The following MTAP variants were observed in gnomAD, a reference collection of about 807,000 sequenced individuals.
MTAP encodes the protein methylthioadenosine phosphorylase, also known as S-methyl-5'-thioadenosine phosphorylase.
Under a neutral mutation model 33.6 loss-of-function variants are expected in MTAP, and 33 were observed. That is an observed-to-expected ratio of 0.98 (90% confidence interval 0.74 to 1.31). MTAP has a LOEUF of 1.31. Among genes scored for constraint, MTAP ranks in the 40% most tolerant of loss-of-function variants. The pLI, the probability that MTAP is intolerant of heterozygous loss-of-function variation, is 0.00. For synonymous variants in MTAP, 148 were observed against 125.7 expected (o/e 1.18, Z -1.19); for missense variants, 367 against 360.0 (o/e 1.02, Z -0.16).
chr9:21,820,503 T>G (rs190601021), intron 4 of MTAP, among the ~76,000 whole-genome samples: 2 of 152,306 alleles, frequency 1.3e-5, no homozygotes, highest in East Asian at 3.9e-4. Context: ...TTGGTCTATA[T>G]CTGTTTTGGT....
chr9:21,912,760 A>G (rs1328161173), intron 1 of MTAP, among the ~76,000 whole-genome samples: 1 of 152,208 alleles, frequency 6.6e-6, no homozygotes, highest in Non-Finnish European at 1.5e-5. Context: ...CCTATTCAAC[A>G]TAGTGTTGGA....
At chr9:21,895,268 C>A (rs1818271583) in intron 1 of MTAP, among the ~76,000 whole-genome samples, 1 of 152,198 alleles carries the variant, frequency 6.6e-6, no homozygotes, top group Admixed American at 6.5e-5. Flanking sequence ...CACTACCTGA[C>A]TTCAAAGTAC....
chr9:21,907,695 A>G (rs1310657091), intron 1 of MTAP, among the ~76,000 whole-genome samples: 1 of 152,042 alleles, frequency 6.6e-6, no homozygotes, highest in Non-Finnish European at 1.5e-5. Flanking sequence ...CTACAAAAGT[A>G]ATTCCTGGTG....
At chr9:21,933,469 A>G (rs915565644), downstream of MTAP, 2 of 152,198 alleles carry the variant, frequency 1.3e-5, no homozygotes, top group African/African-American at 4.8e-5. Flanking sequence ...TGCCATTAAG[A>G]TCTACATTTT....
intron 1 of MTAP, chr9:21,930,670 T>TTA: frequency 3.9e-6 from 2 of 511,658 alleles, no homozygotes; most frequent in South Asian, 5.2e-5. Context: ...CCAGAGCAAA[T>TTA]TAACACTTTA....
intron 7 of MTAP, chr9:21,861,265 AGAG>A (rs1175203451): frequency 6.6e-6 from 1 of 152,150 alleles, no homozygotes; most frequent in Non-Finnish European, 1.5e-5. Context: ...GCATTTTTAA[AGAG>A]GCTTAGTTTA....
intron 5 of MTAP, among the ~76,000 whole-genome samples, chr9:21,848,920 A>G (rs1002350671): frequency 6.6e-6 from 1 of 152,216 alleles, no homozygotes; most frequent in African/African-American, 2.4e-5. Context: ...AATGGGCAGC[A>G]GAGGCAAAGC....
chr9:21,838,523 G>T (rs1383164816), intron 5 of MTAP, among the ~76,000 whole-genome samples: 1 of 152,214 alleles, frequency 6.6e-6, no homozygotes, highest in African/African-American at 2.4e-5. Flanking sequence ...ACATCCAATG[G>T]CTGGTAACTG....
chr9:21,896,158 A>G (rs1382275028), intron 1 of MTAP, among the ~76,000 whole-genome samples: 1 of 152,224 alleles, frequency 6.6e-6, no homozygotes, highest in African/African-American at 2.4e-5. Flanking sequence ...CTCCTGAATG[A>G]CTATTGGGTC....
intron 1 of MTAP, among the ~76,000 whole-genome samples, chr9:21,888,773 A>C (rs567626078): frequency 2.0e-4 from 30 of 152,220 alleles, no homozygotes; most frequent in East Asian, 1.7e-3. Flanking sequence ...CTAGACATTC[A>C]AATAGAAGTT....
rs759290512 is a variant in MTAP at position 21,854,893 on chromosome 9, C to T, written c.690+23C>T. The T allele has an allele frequency of 3.7e-6, 6 of 1,612,456 alleles. No individual in the cohort carries two copies. The African/African-American group carries it at 5.3e-5, about 14-fold the overall frequency. ...GCAGTAGGTGGAATTCTTTTCTAAG[C>T]ACATATAGCATGGGTTTCTGGGTGC... On this transcript the variant is annotated intron_variant, in intron 6 of 7. Coordinates refer to ENST00000644715, the MANE Select transcript of MTAP (RefSeq NM_002451.4).
chr9:21,856,686 A>G (rs72691580), intron 6 of MTAP, among the ~76,000 whole-genome samples: 16,764 of 152,222 alleles, frequency 0.11, 1,051 homozygotes, highest in East Asian at 0.22. Context: ...ATTGAAAAGC[A>G]GAGAAATTAA....
intron 4 of MTAP, among the ~76,000 whole-genome samples, chr9:21,824,636 AG>A (rs1303344508): frequency 6.6e-6 from 1 of 152,216 alleles, no homozygotes; most frequent in Admixed American, 6.5e-5. Context: ...GCTGTCAGAC[AG>A]GGACATTTAA....
At chr9:21,915,002 TCCTTCCTTCCTTCCTTCCTTCCTTCCTTC>T (rs1818654260) in intron 1 of MTAP, among the ~76,000 whole-genome samples, 3 of 18,212 alleles carry the variant, frequency 1.6e-4, no homozygotes, top group African/African-American at 4.4e-4. Context: ...TTGTTTTCTT[TCCTTCCTTCCTTCCTTCCTTCCTTCCTTC>T]CTTCCTTCCT....
At chr9:21,810,276 G>C (rs1824312819) in intron 1 of MTAP, among the ~76,000 whole-genome samples, 1 of 152,178 alleles carries the variant, frequency 6.6e-6, no homozygotes, top group African/African-American at 2.4e-5. Flanking sequence ...CCCTCTGTAT[G>C]TGGTTATATC....
intron 4 of MTAP, among the ~76,000 whole-genome samples, chr9:21,831,280 G>A (rs1197186282): frequency 6.6e-6 from 1 of 152,086 alleles, no homozygotes; most frequent in Non-Finnish European, 1.5e-5. Context: ...TATTTATTAT[G>A]CAAATCTAAG....
intron 1 of MTAP, among the ~76,000 whole-genome samples, chr9:21,886,890 C>A (rs1241953222): frequency 1.3e-5 from 2 of 152,128 alleles, no homozygotes; most frequent in South Asian, 2.1e-4. Context: ...CAGATTTGTT[C>A]TTTTCGCTTA....
At chr9:21,873,609 C>T (rs1208403333) in intron 1 of MTAP, among the ~76,000 whole-genome samples, 1 of 95,848 alleles carries the variant, frequency 1.0e-5, no homozygotes, top group Non-Finnish European at 1.8e-5. Context: ...CTTCCACCCC[C>T]GCCCCCCACC....
At chr9:21,897,129 C>T (rs1334846253) in intron 1 of MTAP, among the ~76,000 whole-genome samples, 5 of 152,132 alleles carry the variant, frequency 3.3e-5, no homozygotes, top group African/African-American at 1.2e-4. Flanking sequence ...AAGACAAAAA[C>T]TACATGATTA....
Sources: allele counts gnomAD v4.1 joint callset (sites outside exome capture counted in the v4.1 genomes callset), GRCh38; gene constraint gnomAD v4.1.1; transcripts MANE v1.5; gene names NCBI Gene and HGNC (gene_info 2026-07-23, HGNC 2026-07-21).